KDM3A: variants seen among roughly 807,000 people sequenced by gnomAD.
KDM3A encodes the protein lysine-specific demethylase 3A.
Under a neutral mutation model 158.0 loss-of-function variants are expected in KDM3A, and 60 were observed. The observed-to-expected ratio is 0.38, with a 90% CI of 0.31 to 0.47. The LOEUF (loss-of-function observed/expected upper bound fraction) is 0.47. Among genes scored for constraint, KDM3A ranks in the 20% least tolerant of loss-of-function variants. The probability of loss-of-function intolerance (pLI) is 0.99; values close to 1 mark genes in which losing one functional copy is unlikely to be tolerated. For synonymous variants in KDM3A, 608 were observed against 549.3 expected, an observed-to-expected ratio of 1.11 and a Z score of -1.49; for missense variants, 1,319 against 1,574.3, an observed-to-expected ratio of 0.84 and a Z score of 2.74.
At chr2:86,445,719 T>C (rs1454650141) in intron 2 of KDM3A, among the ~76,000 whole-genome samples, 1 of 152,216 alleles carries the variant, frequency 6.6e-6, no homozygotes, top group African/African-American at 2.4e-5. Flanking sequence ...GTTAGTGCAA[T>C]CTGCTGCCAG....
chr2:86,465,406 GT>G (rs1049432465), intron 9 of KDM3A, among the ~76,000 whole-genome samples: 7 of 152,008 alleles, frequency 4.6e-5, no homozygotes, highest in African/African-American at 1.7e-4. Context: ...AGTTTTTGAG[GT>G]TTTTTAGAGA....
intron 15 of KDM3A, 47 bp from the exon 16 acceptor site, chr2:86,480,120 T>A: frequency 7.1e-7 from 1 of 1,401,000 alleles, no homozygotes; most frequent in Non-Finnish European, 1.0e-6. Flanking sequence ...AAAAGGAAGC[T>A]GTCATTCTTC....
At chr2:86,437,170 T>G (rs555422482), upstream of KDM3A, among the ~76,000 whole-genome samples, 3 of 152,224 alleles carry the variant, frequency 2.0e-5, no homozygotes, top group African/African-American at 7.2e-5. Flanking sequence ...AGACAGAGTC[T>G]TGCTTCGTCA....
chr2:86,449,376 T>G (rs1356871125), intron 2 of KDM3A, among the ~76,000 whole-genome samples: 1 of 152,188 alleles, frequency 6.6e-6, no homozygotes. Flanking sequence ...ATTGTGGTGA[T>G]GGGGGGTCAT....
At chr2:86,470,916 T>C (rs1673370423) in intron 11 of KDM3A, among the ~76,000 whole-genome samples, 1 of 152,222 alleles carries the variant, frequency 6.6e-6, no homozygotes, top group African/African-American at 2.4e-5. Context: ...CTTGTTGGTA[T>C]TAAGATTATT....
Position 86,455,034 on chromosome 2 carries a change from C to T in KDM3A, c.454-51C>T, listed in dbSNP as rs373154030. 7 of 1,083,200 alleles carry T rather than the reference C, an allele frequency of 6.5e-6. No individual in the cohort carries two copies. In the South Asian group the frequency reaches 7.7e-5, roughly 12 times the overall value. The allele number at this position is 1,083,200 out of a possible 1,614,324, so 67.1% of individuals were successfully genotyped here. ...AAATAGCCCACTGGAATTTAAATAA[C>T]TCTTCTTATTAACTGTTACCCTTAA... On this transcript the variant is annotated intron_variant, in intron 4 of 25. Transcript: ENST00000312912.
chr2:86,491,669 A>T, intron 25 of KDM3A: 1 of 307,838 alleles, frequency 3.2e-6, no homozygotes, highest in Non-Finnish European at 6.1e-6. Context: ...AAGAGGTCTG[A>T]GGGGGTGGTA....
intron 25 of KDM3A, chr2:86,491,479 T>C: frequency 1.7e-6 from 1 of 578,690 alleles, no homozygotes; most frequent in South Asian, 2.1e-5. Context: ...TGATTTGATA[T>C]TGTTTAGAAT....
In KDM3A at chr2:86,447,474, GAATA is replaced by G. The variant is rs1308625301; in HGVS notation, c.187-2332_187-2329del. Reference sequence around the variant, plus strand: ...TTCTGCACTTTTTTTTTTTTTTGCTGAATAGATATTAGATAATTGTGTTGAAGAT... The same window carrying G: ...TTCTGCACTTTTTTTTTTTTTTGCTGGATATTAGATAATTGTGTTGAAGAT... On this transcript the variant is annotated intron_variant, in intron 2 of 25. Coordinates refer to ENST00000312912, the MANE Select transcript of KDM3A (RefSeq NM_018433.6). Among the ~76,000 whole-genome samples the G allele has an allele frequency of 5.8e-5, 8 of 139,114 alleles. No homozygotes were observed. In the East Asian group the frequency reaches 1.4e-3, roughly 24 times the overall value. 91.3% of individuals were successfully genotyped at this position (139,114 alleles called of 152,430 possible).
At chr2:86,474,686 C>A in intron 11 of KDM3A, 90 bp from the exon 12 acceptor site, 66 of 654,980 alleles carry the variant, frequency 1.0e-4, no homozygotes, top group Middle Eastern at 4.4e-4. Flanking sequence ...AAAGTAATTA[C>A]AAGTTGTAAA....
chr2:86,478,258 T>C lies in KDM3A; in HGVS notation c.2181T>C (p.Pro727=). ...ACTTAATGCCCACACAGATCATTCC[T>C]GGAAAAGGTATTTCATGTGCTGCAG... is the stretch of plus-strand genomic sequence containing the variant. The part of the protein sequence containing the change: ...PENLMPTQII[P]GKALYDVGDI... The change falls in exon 14 of 26, where the codon CCT becomes CCC. Residue 727 remains proline, a synonymous_variant. Transcript: ENST00000312912. 1 of 1,606,938 alleles carries C rather than the reference T, an allele frequency of 6.2e-7. No individual in the cohort carries two copies. The highest frequency in any genetic ancestry group is 8.5e-7 in the Non-Finnish European group (1 of 1,173,402).
In KDM3A at chr2:86,482,570, A is replaced by G; in HGVS notation, c.2798A>G (p.Lys933Arg). The change falls in exon 18 of 26, where the codon AAG becomes AGG. Residue 933 changes from lysine to arginine, a missense_variant. This residue lies in a region of KDM3A where 368 missense variants were observed against 415.8 expected (regional missense o/e 0.89). Coordinates refer to ENST00000312912, the MANE Select transcript of KDM3A (RefSeq NM_018433.6). ...AAGAGGCCTCAAGGACTAACCATCAAGCCCAGCATTCTGGGCTTTGACACT... is the reference window on the plus strand; with the variant it reads ...AAGAGGCCTCAAGGACTAACCATCAGGCCCAGCATTCTGGGCTTTGACACT... Reference protein sequence around the residue: ...LSKRPQGLTIKPSILGFDTPH... With the variant: ...LSKRPQGLTIRPSILGFDTPH... The G allele has an allele frequency of 6.2e-7, 1 of 1,614,194 alleles. No individual in the cohort carries two copies. The highest frequency in any genetic ancestry group is 8.5e-7 in the Non-Finnish European group (1 of 1,180,030).
chr2:86,438,686 C>T (rs1244486853), upstream of KDM3A, among the ~76,000 whole-genome samples: 1 of 151,924 alleles, frequency 6.6e-6, no homozygotes, highest in Non-Finnish European at 1.5e-5. Context: ...ATTAGAATTA[C>T]AAATAATATG....
chr2:86,465,049 G>T (rs539036282), intron 9 of KDM3A, among the ~76,000 whole-genome samples: 2 of 152,282 alleles, frequency 1.3e-5, no homozygotes, highest in South Asian at 4.1e-4. Flanking sequence ...TCCAAGGAAA[G>T]ATTTTTCATC....
chr2:86,459,278 G>A (rs1672829646), intron 8 of KDM3A, among the ~76,000 whole-genome samples: 1 of 152,168 alleles, frequency 6.6e-6, no homozygotes, highest in South Asian at 2.1e-4. Flanking sequence ...GTCAAGCTCA[G>A]AGACAATATT....
intron 15 of KDM3A, 195 bp downstream of exon 15, chr2:86,478,930 T>C (rs1673794241): frequency 3.8e-6 from 2 of 530,936 alleles, no homozygotes; most frequent in South Asian, 2.5e-5. Context: ...ATTACTTTCG[T>C]AGACTCTACT....
chr2:86,454,318 C>G (rs187517711), intron 4 of KDM3A, among the ~76,000 whole-genome samples: 1 of 152,242 alleles, frequency 6.6e-6, no homozygotes, highest in East Asian at 1.9e-4. Flanking sequence ...AAAATTTTCC[C>G]TAAAATTGCC....
At chr2:86,474,490 C>T (rs780905798) in intron 11 of KDM3A, among the ~76,000 whole-genome samples, 2 of 151,930 alleles carry the variant, frequency 1.3e-5, no homozygotes, top group African/African-American at 2.4e-5. Context: ...TAGCGAAACC[C>T]CATTTCTACT....
intron 11 of KDM3A, among the ~76,000 whole-genome samples, chr2:86,472,225 C>T (rs1443923224): frequency 2.0e-5 from 3 of 151,542 alleles, no homozygotes; most frequent in African/African-American, 7.3e-5. Context: ...TATGACTTAG[C>T]TGTTTTTTTC....
Sources: allele counts gnomAD v4.1 joint callset (sites outside exome capture counted in the v4.1 genomes callset), GRCh38; gene constraint gnomAD v4.1.1; regional missense constraint gnomAD v4.1.1; transcripts MANE v1.5; gene names NCBI Gene and HGNC (gene_info 2026-07-23, HGNC 2026-07-21).